NSD1: variants seen among roughly 807,000 people sequenced by gnomAD.
The protein encoded by NSD1 is nuclear receptor binding SET domain protein 1, also known as histone-lysine N-methyltransferase, H3 lysine-36 specific.
In NSD1, 26 loss-of-function variants were observed where a neutral mutation model predicts 242.7. The observed-to-expected ratio is 0.11, with a 90% CI of 0.08 to 0.15. The LOEUF (loss-of-function observed/expected upper bound fraction) is 0.15. NSD1 is among the 10% of genes least tolerant of loss of function. The probability of loss-of-function intolerance (pLI) is 1.00; values close to 1 mark genes in which losing one functional copy is unlikely to be tolerated. For missense variants in NSD1, 2,495 were observed against 3,272.8 expected, an observed-to-expected ratio of 0.76 and a Z score of 5.80; for synonymous variants, 1,106 against 1,178.1, an observed-to-expected ratio of 0.94 and a Z score of 1.25.
At position 177,211,619 on chromosome 5, in the gene NSD1, C is replaced by T. The variant is rs775044010; in HGVS notation, c.3220C>T (p.Arg1074Cys). 1.5e-5 allele frequency: 24 copies of T among 1,614,050 alleles called. No homozygotes were observed. In the South Asian group the frequency reaches 1.5e-4, roughly 10 times the overall value. The change falls in exon 5 of 23, where the codon CGT becomes TGT. Residue 1074 changes from arginine to cysteine, a missense_variant. Physicochemically the swap from Arg to Cys is radical, Grantham distance 180 (BLOSUM62 -3). Coordinates refer to ENST00000439151, the MANE Select transcript of NSD1 (RefSeq NM_022455.5). ...LDAVLQGDRE[R>C]GGSLRGGAED... ...TGCTGTACTGCAGGGAGACCGAGAA[C>T]GTGGAGGTTCATTGAGAGGTGGGGC...
rs1763219171 is a variant in NSD1, at chr5:177,210,168, T to C, written c.1769T>C (p.Leu590Ser). The C allele has an allele frequency of 6.2e-7, 1 of 1,609,720 alleles. No individual in the cohort carries two copies. Among genetic ancestry groups the C allele is most frequent in the Non-Finnish European group, 8.5e-7 (1 of 1,178,492 alleles). The change falls in exon 5 of 23, where the codon TTA becomes TCA. Residue 590 changes from leucine (L) to serine (S), a missense_variant. Around this residue, in one of 19 missense-constraint regions of NSD1, gnomAD observed 515 missense variants for 467.0 expected, o/e 1.10. Transcript: ENST00000439151. ...KEFETSNGDS[L>S]LGLPEGALIS... is the part of the protein sequence containing the mutation. ...TTTGAGACTTCAAATGGTGACTCTT[T>C]ATTGGGCTTGCCTGAGGGTGCTTTG...
chr5:177,135,125 C>T lies in NSD1; in HGVS notation c.22C>T (p.Pro8Ser), dbSNP rs760160996. Reference sequence around the variant, plus strand: ...CAGGATGGATCAGACCTGTGAACTACCCAGAAGAAATTGTCTGCTGCCCTT... The same window carrying T: ...CAGGATGGATCAGACCTGTGAACTATCCAGAAGAAATTGTCTGCTGCCCTT... MDQTCEL[P>S]RRNCLLPFSN... is the part of the protein sequence containing the mutation. Residue 8 changes from proline (P) to serine (S), a missense_variant, in exon 2 of 23, where the codon CCC becomes TCC. This residue lies in a region of NSD1 where 376 missense variants were observed against 367.4 expected (regional missense o/e 1.02). Coordinates refer to ENST00000439151, the MANE Select transcript of NSD1 (RefSeq NM_022455.5). The T allele has an allele frequency of 2.5e-6, 4 of 1,614,176 alleles. No homozygotes were observed. The highest frequency in any genetic ancestry group is 3.4e-6 in the Non-Finnish European group (4 of 1,180,038).
At position 177,283,956 on chromosome 5, in the gene NSD1, T is replaced by A. The variant is rs770120102; in HGVS notation, c.6151+28T>A. On this transcript the variant is annotated intron_variant, in intron 20 of 22. Coordinates refer to ENST00000439151, the MANE Select transcript of NSD1 (RefSeq NM_022455.5). ...AAGAATCATTTCAGGATTCTGCAGC[T>A]GACATCTGAATTTCAGGGCTTTTGT... 4 of 1,613,946 alleles carry A rather than the reference T, an allele frequency of 2.5e-6. No individual in the cohort carries two copies. The South Asian group carries it at 4.4e-5, about 18-fold the overall frequency.
chr5:177,292,222 A>G, intron 22 of NSD1, 64 bp downstream of exon 22: 8 of 1,532,054 alleles, frequency 5.2e-6, no homozygotes, highest in Admixed American at 3.4e-5. Context: ...GTCTCATGCC[A>G]TTTGCATCAG....
At chr5:177,206,183 A>G (rs910868301) in intron 4 of NSD1, among the ~76,000 whole-genome samples, 3 of 152,148 alleles carry the variant, frequency 2.0e-5, no homozygotes, top group Non-Finnish European at 1.5e-5. Flanking sequence ...TATTTTTAGT[A>G]GAGACAGGGT....
chr5:177,276,289 A>G (rs1460832041), intron 17 of NSD1, among the ~76,000 whole-genome samples: 1 of 151,944 alleles, frequency 6.6e-6, no homozygotes, highest in Non-Finnish European at 1.5e-5. Flanking sequence ...GACCTCTAAA[A>G]AGGGATAAAA....
intron 5 of NSD1, among the ~76,000 whole-genome samples, chr5:177,232,453 C>G (rs188976420): frequency 2.0e-4 from 31 of 152,242 alleles, no homozygotes; most frequent in African/African-American, 7.2e-4. Context: ...GTGGAAAATT[C>G]CACAGTTGAC....
At chr5:177,175,400 A>G (rs1164780054) in intron 2 of NSD1, among the ~76,000 whole-genome samples, 9 of 152,084 alleles carry the variant, frequency 5.9e-5, no homozygotes, top group Admixed American at 1.3e-4. Context: ...CCAGTGCAGG[A>G]GGATCGCTTG....
At chr5:177,256,800 A>T (rs1756506497) in intron 12 of NSD1, 151 bp from the exon 13 acceptor site, 2 of 682,772 alleles carry the variant, frequency 2.9e-6, no homozygotes, top group Non-Finnish European at 5.3e-6. Flanking sequence ...CAGATTGTTC[A>T]TTTATAATAA....
rs1554185948 is a variant in NSD1 at position 177,194,602 on chromosome 5, T to TTA, written c.1063+2583_1063+2584insTA. 1.0e-3 allele frequency among the ~76,000 whole-genome samples: 141 copies of TTA among 135,318 alleles called. 11 individuals are homozygous for TTA. Among genetic ancestry groups the TTA allele is most frequent in the African/African-American group, 3.9e-3 (125 of 31,836 alleles). The allele number at this position is 135,318 out of a possible 152,430, so 88.8% of individuals were successfully genotyped here. A position where few individuals can be genotyped will look rare whatever the true frequency, so the allele number is the denominator to read the frequency against. The stretch of plus-strand genomic sequence containing the variant: ...CTCTTTTTTTTTTTTTTTTTTTTTT[T>TTA]AAAAAGGATGATTTCTCCAAAGTAG... On this transcript the variant is annotated intron_variant, in intron 3 of 22. Transcript: ENST00000439151.
intron 14 of NSD1, among the ~76,000 whole-genome samples, chr5:177,263,628 G>A (rs139060592): frequency 0.011 from 1,673 of 152,298 alleles, 16 homozygotes; most frequent in Middle Eastern, 0.068. Flanking sequence ...GGAAGTACAC[G>A]TAAAGCAGTT....
rs559743026 is a variant in NSD1, at chr5:177,223,081, C to CT, written c.3796+10900dup. The stretch of plus-strand genomic sequence containing the variant: ...TGAAAAGAATATTCTTTTTCTTTTT[C>CT]TTTTTTTTTTTTTTCAGACAGAGTC... On this transcript the variant is annotated intron_variant, in intron 5 of 22. Transcript: ENST00000439151. 8.4e-3 allele frequency among the ~76,000 whole-genome samples: 1,141 copies of CT among 136,448 alleles called. 7 individuals are homozygous for CT. Among genetic ancestry groups the CT allele is most frequent in the Non-Finnish European group, 0.012 (773 of 62,274 alleles). 89.5% of individuals were successfully genotyped at this position (136,448 alleles called of 152,430 possible).
At chr5:177,235,226 G>A (rs1357710007) in intron 5 of NSD1, among the ~76,000 whole-genome samples, 2 of 152,114 alleles carry the variant, frequency 1.3e-5, no homozygotes, top group Non-Finnish European at 2.9e-5. Flanking sequence ...ATGGTTCACT[G>A]TACACAAACT....
intron 2 of NSD1, among the ~76,000 whole-genome samples, chr5:177,155,326 C>A (rs1758040568): frequency 1.3e-5 from 2 of 151,436 alleles, no homozygotes; most frequent in Non-Finnish European, 2.9e-5. Context: ...TTGTATTTCA[C>A]TGTATTGGTC....
intron 2 of NSD1, among the ~76,000 whole-genome samples, chr5:177,157,691 A>C (rs1388463937): frequency 6.6e-6 from 1 of 152,176 alleles, no homozygotes; most frequent in Non-Finnish European, 1.5e-5. Flanking sequence ...GAGTTGAACA[A>C]CTGTTACCAC....
intron 14 of NSD1, chr5:177,266,227 CT>C: frequency 3.5e-6 from 3 of 856,188 alleles, no homozygotes; most frequent in Non-Finnish European, 6.1e-6. Context: ...TGATGTTCAC[CT>C]TTTCCACCGG....
chr5:177,206,177 T>G (rs1460389266), intron 4 of NSD1, among the ~76,000 whole-genome samples: 3 of 152,156 alleles, frequency 2.0e-5, no homozygotes, highest in Non-Finnish European at 4.4e-5. Flanking sequence ...TTTTTGTATT[T>G]TTAGTAGAGA....
Position 177,238,907 on chromosome 5 carries a change from A to G in NSD1, c.4192+400A>G, listed in dbSNP as rs1765647131. 6.6e-6 allele frequency among the ~76,000 whole-genome samples: 1 copy of G among 152,210 alleles called. No individual in the cohort carries two copies. Among genetic ancestry groups the G allele is most frequent in the South Asian group, 2.1e-4 (1 of 4,826 alleles). On this transcript the variant is annotated intron_variant, in intron 7 of 22. Transcript: ENST00000439151. This position sits in a 1 kb window ranked among gnomAD's most constrained non-coding sequence, Gnocchi z 4.6. ...AATCTCTGAACTTGTTTCCTCATCT[A>G]TAAATGGAGATCATAATGTATTAAT...
chr5:177,135,048 C>A (rs1756198448), intron 1 of NSD1, 39 bp from the exon 2 acceptor site: 2 of 1,560,710 alleles, frequency 1.3e-6, no homozygotes, highest in South Asian at 1.1e-5. Context: ...GTCAGATGGC[C>A]TATTAACTCA....
Sources: allele counts gnomAD v4.1 joint callset (sites outside exome capture counted in the v4.1 genomes callset), GRCh38; gene constraint gnomAD v4.1.1; regional missense constraint gnomAD v4.1.1; non-coding constraint Gnocchi (gnomAD v3.1); transcripts MANE v1.5; gene names NCBI Gene and HGNC (gene_info 2026-07-23, HGNC 2026-07-21).